The following MYO5A variants were observed in gnomAD, a reference collection of about 807,000 sequenced individuals.
The protein encoded by MYO5A is myosin VA.
In MYO5A, 98 loss-of-function variants were observed where a neutral mutation model predicts 249.7. The ratio of observed to expected loss-of-function variants is 0.39; its 90% CI spans 0.33 to 0.46. The LOEUF is 0.46. MYO5A is among the 20% of genes least tolerant of loss of function. MYO5A has a pLI of 0.98. For missense variants in MYO5A, 1,696 were observed against 2,308.8 expected (o/e 0.73, Z 5.44); for synonymous variants, 778 against 810.6 (o/e 0.96, Z 0.68).
chr15:52,412,634 T>C (rs1319842070), intron 5 of MYO5A, among the ~76,000 whole-genome samples: 1 of 152,198 alleles, frequency 6.6e-6, no homozygotes, highest in Non-Finnish European at 1.5e-5. Flanking sequence ...ACAGTATCTT[T>C]TGTCCACTCC....
chr15:52,501,185 A>T (rs2141582408), intron 1 of MYO5A, among the ~76,000 whole-genome samples: 1 of 151,878 alleles, frequency 6.6e-6, no homozygotes, highest in Non-Finnish European at 1.5e-5. Context: ...GTTAGCCAGG[A>T]TGGTCTCCAT....
At chr15:52,331,908 G>T in intron 34 of MYO5A, 2 of 963,744 alleles carry the variant, frequency 2.1e-6, no homozygotes, top group Non-Finnish European at 2.5e-6. Context: ...TTTTTCATAT[G>T]CATGATCCAG....
intron 36 of MYO5A, 103 bp downstream of exon 36, chr15:52,327,749 A>G (rs1463210805): frequency 1.2e-5 from 15 of 1,261,180 alleles, no homozygotes; most frequent in Non-Finnish European, 1.6e-5. Flanking sequence ...GAAAGTTTTA[A>G]TAACAAGCAA....
At chr15:52,520,407 G>C (rs1024542912) in intron 1 of MYO5A, among the ~76,000 whole-genome samples, 1 of 152,092 alleles carries the variant, frequency 6.6e-6, no homozygotes, top group East Asian at 1.9e-4. Context: ...TCCTCTATCA[G>C]GCTCTCTTCC....
At chr15:52,483,121 A>G (rs193029053) in intron 1 of MYO5A, among the ~76,000 whole-genome samples, 3 of 152,290 alleles carry the variant, frequency 2.0e-5, no homozygotes, top group Non-Finnish European at 4.4e-5. Context: ...ATGGGGTCAG[A>G]ACTGTCAATG....
At position 52,323,461 on chromosome 15, in the gene MYO5A, G is replaced by A. The variant is rs1191040992; in HGVS notation, c.4711-17C>T. Reference sequence around the variant, plus strand: ...ACCTCTTTTCTGAAAGAGAGAATAAGTCTAAACTTGCCTTTTCCTTAGGGA... The same window carrying A: ...ACCTCTTTTCTGAAAGAGAGAATAAATCTAAACTTGCCTTTTCCTTAGGGA... On this transcript the variant is annotated splice_polypyrimidine_tract_variant and intron_variant, in intron 36 of 41. Coordinates refer to ENST00000399233, the MANE Select transcript of MYO5A (RefSeq NM_001382347.1). 2 of 1,594,546 alleles carry A rather than the reference G, an allele frequency of 1.3e-6. No individual in the cohort carries two copies. The highest frequency in any genetic ancestry group is 1.7e-6 in the Non-Finnish European group (2 of 1,162,952).
chr15:52,505,155 C>T (rs1261075216), intron 1 of MYO5A: 13 of 723,046 alleles, frequency 1.8e-5, no homozygotes, highest in East Asian at 9.8e-5. Flanking sequence ...GCCCTCAATT[C>T]GTACATGGAG....
intron 4 of MYO5A, among the ~76,000 whole-genome samples, chr15:52,418,281 G>A (rs989194529): frequency 6.6e-6 from 1 of 152,144 alleles, no homozygotes; most frequent in East Asian, 1.9e-4. Flanking sequence ...GAGCTCTTCT[G>A]ACCTGTTTCC....
At chr15:52,423,769 CCCT>C (rs1178256134) in intron 4 of MYO5A, among the ~76,000 whole-genome samples, 2 of 151,990 alleles carry the variant, frequency 1.3e-5, no homozygotes, top group African/African-American at 4.8e-5. Flanking sequence ...GACAAAACAA[CCCT>C]TCAGTTAAGA....
At chr15:52,391,210 A>G (rs1336166898) in intron 12 of MYO5A, among the ~76,000 whole-genome samples, 1 of 152,210 alleles carries the variant, frequency 6.6e-6, no homozygotes, top group African/African-American at 2.4e-5. Context: ...GTATTATCAA[A>G]TGAAAATTAT....
intron 4 of MYO5A, among the ~76,000 whole-genome samples, chr15:52,419,996 T>A (rs1182398770): frequency 6.6e-6 from 1 of 152,100 alleles, no homozygotes; most frequent in African/African-American, 2.4e-5. Context: ...ACAACAGCGT[T>A]GAGAGGTGAG....
At chr15:52,485,879 A>C (rs964920505) in intron 1 of MYO5A, among the ~76,000 whole-genome samples, 24 of 152,228 alleles carry the variant, frequency 1.6e-4, no homozygotes, top group Non-Finnish European at 2.5e-4. Context: ...GCTTCTTTGA[A>C]AACACTATAG....
chr15:52,511,622 TTA>T lies in MYO5A; in HGVS notation c.27+17156_27+17157del, dbSNP rs2077391554. Among the ~76,000 whole-genome samples, 2 of 152,212 alleles carry T rather than the reference TTA, an allele frequency of 1.3e-5. 1 individual carries two copies. Among genetic ancestry groups the T allele is most frequent in the South Asian group, 4.1e-4 (2 of 4,834 alleles). ...GTGTAGGTTATAATACAACTCATCC[TTA>T]TATGGCTTCCAAAATACTGGAATGG... On this transcript the variant is annotated intron_variant, in intron 1 of 41. Coordinates refer to ENST00000399233, the MANE Select transcript of MYO5A (RefSeq NM_001382347.1).
At chr15:52,518,897 A>G (rs985841134) in intron 1 of MYO5A, among the ~76,000 whole-genome samples, 4 of 152,218 alleles carry the variant, frequency 2.6e-5, no homozygotes, top group Admixed American at 1.3e-4. Context: ...ACAAAAATGA[A>G]GTTCCCTCCT....
intron 24 of MYO5A, among the ~76,000 whole-genome samples, chr15:52,364,191 T>A (rs1387871520): frequency 1.3e-5 from 2 of 151,976 alleles, no homozygotes; most frequent in Non-Finnish European, 2.9e-5. Flanking sequence ...TGAGCCGAGA[T>A]TGTGCCACTA....
In MYO5A at chr15:52,358,283, G is replaced by C. The variant is rs146678033; in HGVS notation, c.3423+1685C>G. Among the ~76,000 whole-genome samples the C allele has an allele frequency of 5.7e-4, 87 of 152,234 alleles. No individual in the cohort carries two copies. In the East Asian group the frequency reaches 6.2e-3, roughly 11 times the overall value. ...GCTAAAGTGGTACTACACTGGAATGGGCAGCTTGTAAATGTACTTCCCTCC... is the reference window on the plus strand; with the variant it reads ...GCTAAAGTGGTACTACACTGGAATGCGCAGCTTGTAAATGTACTTCCCTCC... On this transcript the variant is annotated intron_variant, in intron 25 of 41. Coordinates refer to ENST00000399233, the MANE Select transcript of MYO5A (RefSeq NM_001382347.1).
In MYO5A at chr15:52,313,644, G is replaced by A; in HGVS notation, c.*52C>T. 4 of 1,595,734 alleles carry A rather than the reference G, an allele frequency of 2.5e-6. No homozygotes were observed. The highest frequency in any genetic ancestry group is 2.2e-5 in the South Asian group (2 of 90,618). Reference sequence around the variant, plus strand: ...TTCAGTAACTCACTGGAAATAATGGGTTCTTATTTCGGGCAAGAAATGTAT... The same window carrying A: ...TTCAGTAACTCACTGGAAATAATGGATTCTTATTTCGGGCAAGAAATGTAT... On this transcript the variant is annotated 3_prime_UTR_variant, in exon 42 of 42. Coordinates refer to ENST00000399233, the MANE Select transcript of MYO5A (RefSeq NM_001382347.1).
chr15:52,381,809 C>CACACACAT, intron 16 of MYO5A, among the ~76,000 whole-genome samples: 1 of 151,706 alleles, frequency 6.6e-6, no homozygotes, highest in South Asian at 2.1e-4. Context: ...CACACACACA[C>CACACACAT]GGAGCATGGA....
At chr15:52,353,497 G>C in intron 27 of MYO5A, 108 bp downstream of exon 27, 2 of 911,404 alleles carry the variant, frequency 2.2e-6, no homozygotes, top group South Asian at 2.7e-5. Context: ...TAGGACCTCT[G>C]GTGCAATCTC....
Sources: allele counts gnomAD v4.1 joint callset (sites outside exome capture counted in the v4.1 genomes callset), GRCh38; gene constraint gnomAD v4.1.1; transcripts MANE v1.5; gene names NCBI Gene and HGNC (gene_info 2026-07-23, HGNC 2026-07-21).